The following PRPF38A variants were observed in gnomAD, a reference collection of about 807,000 sequenced individuals.
The protein encoded by PRPF38A is pre-mRNA-splicing factor 38A.
A neutral mutation model predicts 46.8 loss-of-function variants in PRPF38A; 11 were observed. That is an observed-to-expected ratio of 0.24 (90% CI 0.15 to 0.39). PRPF38A has a LOEUF of 0.39. Among genes scored for constraint, PRPF38A ranks in the 10% least tolerant of loss-of-function variants. PRPF38A has a pLI of 1.00. For synonymous variants in PRPF38A, 124 were observed against 136.2 expected, an observed-to-expected ratio of 0.91 and a Z score of 0.62; for missense variants, 261 against 407.5, an observed-to-expected ratio of 0.64 and a Z score of 3.10.
At chr1:52,408,484 A>T (rs929456413) in intron 2 of PRPF38A, 85 bp from the exon 3 acceptor site, 1 of 1,561,802 alleles carries the variant, frequency 6.4e-7, no homozygotes, top group Non-Finnish European at 8.8e-7. Flanking sequence ...GAACATGTTT[A>T]TCCACTACTG....
intron 5 of PRPF38A, among the ~76,000 whole-genome samples, chr1:52,412,848 C>A (rs1456715280): frequency 3.9e-5 from 6 of 152,080 alleles, no homozygotes; most frequent in African/African-American, 1.4e-4. Flanking sequence ...ACTAAAAATA[C>A]AAAAATTAGC....
chr1:52,405,256 T>G (rs1477102995), intron 1 of PRPF38A, among the ~76,000 whole-genome samples: 1 of 152,212 alleles, frequency 6.6e-6, no homozygotes, highest in East Asian at 1.9e-4. Flanking sequence ...CTTACTATTC[T>G]TAGATCTGGG....
At position 52,416,744 on chromosome 1, in the gene PRPF38A, G is replaced by A. The variant is rs1186907679; in HGVS notation, c.*54G>A. The A allele has an allele frequency of 7.0e-6, 9 of 1,290,732 alleles. No individual in the cohort carries two copies. Among genetic ancestry groups the A allele is most frequent in the Non-Finnish European group, 1.0e-5 (9 of 885,046 alleles). 80.0% of individuals were successfully genotyped at this position (1,290,732 alleles called of 1,614,324 possible). On this transcript the variant is annotated 3_prime_UTR_variant, in exon 10 of 10. Transcript: ENST00000257181. ...GCCTCCTGTGGATATAAGGATATCT[G>A]TATGTGGAAGGATTAAGATCTCCCC...
intron 1 of PRPF38A, 55 bp downstream of exon 1, chr1:52,404,934 A>G (rs1375209158): frequency 1.9e-6 from 3 of 1,595,992 alleles, no homozygotes; most frequent in African/African-American, 1.3e-5. Flanking sequence ...ATTTCTCCTG[A>G]CCGAGCGCGG....
intron 2 of PRPF38A, among the ~76,000 whole-genome samples, chr1:52,407,447 C>T (rs1054813118): frequency 2.0e-5 from 3 of 152,200 alleles, no homozygotes; most frequent in Non-Finnish European, 2.9e-5. Context: ...AATTAGGTAG[C>T]ATTATCTCCG....
At position 52,411,214 on chromosome 1, in the gene PRPF38A, G is replaced by A; in HGVS notation, c.498+14G>A. ...CCCCGACTACAGGTAAGAAATAAAA[G>A]TCTGTTACCAGAGTCACCCTTCTCT... On this transcript the variant is annotated intron_variant, in intron 4 of 9. Transcript: ENST00000257181. The A allele has an allele frequency of 3.1e-6, 5 of 1,590,832 alleles. No homozygotes were observed. Among genetic ancestry groups the A allele is most frequent in the Non-Finnish European group, 4.3e-6 (5 of 1,159,964 alleles).
chr1:52,408,427 C>T, intron 2 of PRPF38A, 142 bp from the exon 3 acceptor site: 1 of 1,101,932 alleles, frequency 9.1e-7, no homozygotes. Context: ...CTTTCTTCTG[C>T]TGCATTCTAC....
At chr1:52,408,443 C>A in intron 2 of PRPF38A, 126 bp from the exon 3 acceptor site, 1 of 1,288,760 alleles carries the variant, frequency 7.8e-7, no homozygotes, top group Non-Finnish European at 1.1e-6. Flanking sequence ...TCTACCTCCA[C>A]AATTGCAGCT....
rs930398370 is a variant in PRPF38A at position 52,419,684 on chromosome 1, A to C, written c.*2994A>C. Reference sequence around the variant, plus strand: ...TAGAAACCACAAAACATAAAACAGCACAGAGAAAATAGGCTGGAGGAAATA... The same window carrying C: ...TAGAAACCACAAAACATAAAACAGCCCAGAGAAAATAGGCTGGAGGAAATA... On this transcript the variant is annotated 3_prime_UTR_variant, in exon 10 of 10. Transcript: ENST00000257181. 1 of 152,190 alleles carries C rather than the reference A, an allele frequency of 6.6e-6. No individual in the cohort carries two copies. Among genetic ancestry groups the C allele is most frequent in the Non-Finnish European group, 1.5e-5 (1 of 68,040 alleles). The allele number at this position is 152,190 out of a possible 1,614,324, so 9.4% of individuals were successfully genotyped here.
Position 52,414,819 on chromosome 1 carries a change from G to A in PRPF38A, c.807G>A (p.Arg269=). The part of the protein sequence containing the change: ...RSKSPRRHRS[R]SRDRRHRSRS... Reference sequence around the variant, plus strand: ...AGAGTCCAAGACGTCACCGCAGCAGGTCCCGAGATCGGCGGCACAGATCCC... The same window carrying A: ...AGAGTCCAAGACGTCACCGCAGCAGATCCCGAGATCGGCGGCACAGATCCC... The change falls in exon 8 of 10, where the codon AGG becomes AGA. Residue 269 remains arginine (R), a synonymous_variant. Transcript: ENST00000257181. The A allele has an allele frequency of 6.2e-7, 1 of 1,614,124 alleles. No individual in the cohort carries two copies. Among genetic ancestry groups the A allele is most frequent in the Non-Finnish European group, 8.5e-7 (1 of 1,180,028 alleles).
rs1293597357 is a variant in PRPF38A at position 52,418,099 on chromosome 1, C to CTT, written c.*1409_*1410insTT. ...TTTTTCTTGGGAGGTTGTATCTGGTCATAAGGTAAACATTCTATATATTCT... is the reference window on the plus strand; with the variant it reads ...TTTTTCTTGGGAGGTTGTATCTGGTCTTATAAGGTAAACATTCTATATATTCT... On this transcript the variant is annotated 3_prime_UTR_variant, in exon 10 of 10. Coordinates refer to ENST00000257181, the MANE Select transcript of PRPF38A (RefSeq NM_032864.4). The CTT allele has an allele frequency of 1.3e-5, 2 of 152,602 alleles. No homozygotes were observed. Among genetic ancestry groups the CTT allele is most frequent in the African/African-American group, 4.8e-5 (2 of 41,428 alleles). The allele number at this position is 152,602 out of a possible 1,614,324, so 9.5% of individuals were successfully genotyped here. A position where few individuals can be genotyped will look rare whatever the true frequency, so the allele number is the denominator to read the frequency against.
intron 3 of PRPF38A, among the ~76,000 whole-genome samples, chr1:52,409,301 A>C (rs1404461887): frequency 6.6e-6 from 1 of 152,226 alleles, no homozygotes; most frequent in Non-Finnish European, 1.5e-5. Flanking sequence ...TACATGTATC[A>C]TTAAACAGTA....
chr1:52,414,940 GT>G, intron 8 of PRPF38A, 81 bp downstream of exon 8: 1 of 1,263,692 alleles, frequency 7.9e-7, no homozygotes, highest in Non-Finnish European at 1.2e-6. Context: ...CAGTACAGGA[GT>G]GCCTGACTGT....
In PRPF38A at chr1:52,418,379, T is replaced by C. The variant is rs1157101836; in HGVS notation, c.*1689T>C. ...GTGATCTAGGTAGAAAGAAATGTCT[T>C]CTGGCATGGACAGAAATGACCCATG... On this transcript the variant is annotated 3_prime_UTR_variant, in exon 10 of 10. Transcript: ENST00000257181. The C allele has an allele frequency of 2.0e-5, 3 of 152,322 alleles. No homozygotes were observed. In the East Asian group the frequency reaches 5.8e-4, roughly 29 times the overall value. 9.4% of individuals were successfully genotyped at this position (152,322 alleles called of 1,614,324 possible).
Position 52,418,239 on chromosome 1 carries a change from C to T in PRPF38A, c.*1549C>T, listed in dbSNP as rs903947467. ...TAATACCTGAGTTAATAAAAGTGGT[C>T]TGAAAGAGCTCTTACGGTTTCTGAT... is the stretch of plus-strand genomic sequence containing the variant. On this transcript the variant is annotated 3_prime_UTR_variant, in exon 10 of 10. Transcript: ENST00000257181. 1 of 152,478 alleles carries T rather than the reference C, an allele frequency of 6.6e-6. No individual in the cohort carries two copies. The highest frequency in any genetic ancestry group is 1.5e-5 in the Non-Finnish European group (1 of 68,042). 9.4% of individuals were successfully genotyped at this position (152,478 alleles called of 1,614,324 possible).
At chr1:52,409,286 C>G (rs1336567574) in intron 3 of PRPF38A, among the ~76,000 whole-genome samples, 1 of 152,200 alleles carries the variant, frequency 6.6e-6, no homozygotes, top group Non-Finnish European at 1.5e-5. Flanking sequence ...ATTTACCTTT[C>G]CCCCTACATG....
chr1:52,415,739 A>G lies in PRPF38A; in HGVS notation c.896+353A>G, dbSNP rs375756269. Reference sequence around the variant, plus strand: ...AACATGGGGTTTAGTCCCAAGTTTTAAAACTTAACAGTTGAGTGACCTTGG... The same window carrying G: ...AACATGGGGTTTAGTCCCAAGTTTTGAAACTTAACAGTTGAGTGACCTTGG... On this transcript the variant is annotated intron_variant, in intron 9 of 9. Coordinates refer to ENST00000257181, the MANE Select transcript of PRPF38A (RefSeq NM_032864.4). 2.4e-4 allele frequency among the ~76,000 whole-genome samples: 37 copies of G among 151,952 alleles called. No homozygotes were observed. The East Asian group carries it at 3.1e-3, about 13-fold the overall frequency.
intron 1 of PRPF38A, 37 bp downstream of exon 1, chr1:52,404,916 T>C (rs926711700): frequency 1.2e-6 from 2 of 1,608,440 alleles, no homozygotes; most frequent in African/African-American, 2.7e-5. Context: ...TCAGCCCCCT[T>C]GTGGCCCATT....
intron 2 of PRPF38A, among the ~76,000 whole-genome samples, chr1:52,406,238 C>A (rs548576180): frequency 2.0e-5 from 3 of 152,072 alleles, no homozygotes; most frequent in Non-Finnish European, 2.9e-5. Flanking sequence ...ATCCCCTCCC[C>A]CCCCGGGCCT....
Sources: allele counts gnomAD v4.1 joint callset (sites outside exome capture counted in the v4.1 genomes callset), GRCh38; gene constraint gnomAD v4.1.1; transcripts MANE v1.5; gene names NCBI Gene and HGNC (gene_info 2026-07-23, HGNC 2026-07-21).